ASIP: variants seen among roughly 807,000 people sequenced by gnomAD.
ASIP encodes agouti signaling protein, also known as agouti-signaling protein.
A neutral mutation model predicts 10.3 loss-of-function variants in ASIP; 11 were observed. The ratio of observed to expected loss-of-function variants is 1.07; its 90% CI spans 0.68 to 1.78. The LOEUF (loss-of-function observed/expected upper bound fraction) is 1.78, where lower values mean the gene tolerates loss of function less well. Among genes scored for constraint, ASIP ranks in the 40% most tolerant of loss-of-function variants. The pLI is 0.00. For synonymous variants in ASIP, 70 were observed against 70.8 expected (o/e 0.99, Z 0.06); for missense variants, 180 against 169.2 (o/e 1.06, Z -0.35).
intron 1 of ASIP, among the ~76,000 whole-genome samples, chr20:34,210,640 C>T (rs967507171): frequency 3.9e-5 from 6 of 152,196 alleles, no homozygotes; most frequent in Non-Finnish European, 8.8e-5. Flanking sequence ...CGGGCCTGAG[C>T]AAAACTCAGG....
At chr20:34,223,148 TCTC>T (rs1459454364) in intron 1 of ASIP, among the ~76,000 whole-genome samples, 12 of 147,784 alleles carry the variant, frequency 8.1e-5, no homozygotes, top group Admixed American at 6.8e-4. Flanking sequence ...GTGAGGAGCG[TCTC>T]CTCCTGGCCG....
chr20:34,222,995 C>T (rs1342686066), intron 1 of ASIP, among the ~76,000 whole-genome samples: 14 of 152,100 alleles, frequency 9.2e-5, no homozygotes, highest in Admixed American at 5.9e-4. Flanking sequence ...CACCTCCCAG[C>T]CACCTGCCTT....
At chr20:34,191,619 A>G (rs1383048170), upstream of ASIP, among the ~76,000 whole-genome samples, 1 of 152,114 alleles carries the variant, frequency 6.6e-6, no homozygotes, top group Non-Finnish European at 1.5e-5. Flanking sequence ...TATTGCCTCT[A>G]AGACTGGGTT....
chr20:34,212,772 T>C (rs904319136), intron 1 of ASIP, among the ~76,000 whole-genome samples: 3 of 152,230 alleles, frequency 2.0e-5, no homozygotes, highest in Non-Finnish European at 1.5e-5. Context: ...CTTGTTAATT[T>C]TGATCACTCC....
At chr20:34,250,611 A>C (rs1343485859) in intron 1 of ASIP, among the ~76,000 whole-genome samples, 2 of 152,192 alleles carry the variant, frequency 1.3e-5, no homozygotes, top group African/African-American at 4.8e-5. Flanking sequence ...CAGCCTGGTC[A>C]ACATGGTGAA....
rs2035001293 is a variant in ASIP at position 34,215,453 on chromosome 20, T to G, written c.-11+20693T>G. On this transcript the variant is annotated intron_variant, in intron 1 of 3. Coordinates refer to the ASIP transcript ENST00000568305. ...TCCACCAACTCTGAGTTGATAGCCA[T>G]GAGGATTCGCAGGTACAGATCTACT... is the stretch of plus-strand genomic sequence containing the variant. The G allele has an allele frequency of 4.6e-6, 7 of 1,529,156 alleles. No homozygotes were observed. In the Admixed American group the frequency reaches 1.2e-4, roughly 26 times the overall value. The allele number at this position is 1,529,156 out of a possible 1,614,324, so 94.7% of individuals were successfully genotyped here.
At chr20:34,211,836 C>G (rs986191806) in intron 1 of ASIP, among the ~76,000 whole-genome samples, 9 of 152,128 alleles carry the variant, frequency 5.9e-5, no homozygotes, top group Non-Finnish European at 1.2e-4. Context: ...TTCTCTGGGT[C>G]GTTAGCTTTT....
intron 1 of ASIP, among the ~76,000 whole-genome samples, chr20:34,200,952 C>T (rs1187569951): frequency 1.9e-5 from 2 of 103,242 alleles, no homozygotes; most frequent in Non-Finnish European, 3.2e-5. Context: ...ACTTGATTTT[C>T]TTTCTTTCTT....
chr20:34,208,917 G>A (rs1451812874), intron 1 of ASIP, among the ~76,000 whole-genome samples: 1 of 152,198 alleles, frequency 6.6e-6, no homozygotes, highest in Non-Finnish European at 1.5e-5. Flanking sequence ...ATTGTTCACA[G>A]TTGAAATATA....
chr20:34,244,183 C>T (rs1304753770), intron 1 of ASIP, among the ~76,000 whole-genome samples: 21 of 152,200 alleles, frequency 1.4e-4, no homozygotes, highest in Non-Finnish European at 2.8e-4. Flanking sequence ...GAACAAACAC[C>T]GCAAGTCTTC....
At chr20:34,201,912 A>G (rs997274920) in intron 1 of ASIP, among the ~76,000 whole-genome samples, 11 of 152,222 alleles carry the variant, frequency 7.2e-5, no homozygotes, top group Non-Finnish European at 1.6e-4. Context: ...TTGACTTAGA[A>G]CAGTGTTCAG....
At chr20:34,252,428 C>G (rs767872373) in intron 1 of ASIP, among the ~76,000 whole-genome samples, 3 of 152,160 alleles carry the variant, frequency 2.0e-5, no homozygotes, top group Non-Finnish European at 4.4e-5. Context: ...TGGATGTGCA[C>G]GTAGGCTAGA....
intron 1 of ASIP, chr20:34,213,539 G>A: frequency 6.5e-7 from 1 of 1,529,664 alleles, no homozygotes; most frequent in African/African-American, 1.4e-5. Context: ...GGCCAGAGTA[G>A]CACTTCAAAA....
intron 2 of ASIP, among the ~76,000 whole-genome samples, chr20:34,261,735 G>A (rs1162246106): frequency 1.3e-5 from 2 of 152,146 alleles, no homozygotes. Flanking sequence ...CCAGGAGGTC[G>A]ACGCTGCAGT....
chr20:34,213,456 G>A lies in ASIP; in HGVS notation c.-11+18696G>A, dbSNP rs1489616931. 8 of 1,153,160 alleles carry A rather than the reference G, an allele frequency of 6.9e-6. No homozygotes were observed. In the East Asian group the frequency reaches 7.1e-5, roughly 10 times the overall value. 71.4% of individuals were successfully genotyped at this position (1,153,160 alleles called of 1,614,324 possible). A position where few individuals can be genotyped will look rare whatever the true frequency, so the allele number is the denominator to read the frequency against. ...GCTTTGGAATTGAGTCATAGGTAGA[G>A]ACTGAGACAGTTTTGAAGTGAACAC... On this transcript the variant is annotated intron_variant, in intron 1 of 3. Coordinates refer to the ASIP transcript ENST00000568305.
intron 1 of ASIP, among the ~76,000 whole-genome samples, chr20:34,203,789 T>C (rs2034916801): frequency 6.6e-6 from 1 of 152,128 alleles, no homozygotes; most frequent in Non-Finnish European, 1.5e-5. Context: ...AATGGCACGA[T>C]CCTGCCTCAC....
chr20:34,225,754 A>G (rs568548790), intron 1 of ASIP, among the ~76,000 whole-genome samples: 229 of 152,238 alleles, frequency 1.5e-3, no homozygotes, highest in Non-Finnish European at 2.9e-3. Flanking sequence ...AATTGCTTGA[A>G]TATATTCCTA....
At chr20:34,197,879 G>C (rs1214022267) in intron 1 of ASIP, among the ~76,000 whole-genome samples, 1 of 151,980 alleles carries the variant, frequency 6.6e-6, no homozygotes, top group Admixed American at 6.6e-5. Context: ...CATATTGACC[G>C]CCTCAGGGGT....
At chr20:34,263,302 C>T (rs191684056) in intron 3 of ASIP, among the ~76,000 whole-genome samples, 82 of 152,344 alleles carry the variant, frequency 5.4e-4, no homozygotes, top group African/African-American at 1.8e-3. Context: ...CGGTGGCTCA[C>T]GCCTATAATC....
Sources: allele counts gnomAD v4.1 joint callset (sites outside exome capture counted in the v4.1 genomes callset), GRCh38; gene constraint gnomAD v4.1.1; transcripts MANE v1.5; gene names NCBI Gene and HGNC (gene_info 2026-07-23, HGNC 2026-07-21).